The following CHADL variants were observed in gnomAD, a reference collection of about 807,000 sequenced individuals.
CHADL encodes chondroadherin like.
In CHADL, 48 loss-of-function variants were observed where a neutral mutation model predicts 52.1. The ratio of observed to expected loss-of-function variants is 0.92; its 90% CI spans 0.73 to 1.17. The LOEUF (loss-of-function observed/expected upper bound fraction) is 1.17. Ranked by LOEUF, CHADL falls within the 50% of genes most tolerant of loss-of-function variation. The pLI, the probability that CHADL is intolerant of heterozygous loss-of-function variation, is 0.00. For missense variants in CHADL, 977 were observed against 1,035.1 expected (o/e 0.94, Z 0.77); for synonymous variants, 498 against 511.2 (o/e 0.97, Z 0.35).
At chr22:41,230,079 G>GCAC in intron 5 of CHADL, 1 of 532,754 alleles carries the variant, frequency 1.9e-6, no homozygotes, top group South Asian at 3.4e-5. Context: ...CAGCTCCTCC[G>GCAC]CCCCCACCCC....
intron 5 of CHADL, among the ~76,000 whole-genome samples, chr22:41,233,513 A>G (rs1329784635): frequency 6.6e-6 from 1 of 152,122 alleles, no homozygotes; most frequent in Non-Finnish European, 1.5e-5. Flanking sequence ...TATAGAGGGA[A>G]GATGATGATA....
At chr22:41,237,125 G>A in intron 3 of CHADL, 51 bp downstream of exon 3, 9 of 1,477,962 alleles carry the variant, frequency 6.1e-6, no homozygotes, top group Non-Finnish European at 8.2e-6. Context: ...CACGCTGCCT[G>A]TGGCCTTGTG....
chr22:41,232,919 G>A (rs1307260725), intron 5 of CHADL, among the ~76,000 whole-genome samples: 3 of 152,062 alleles, frequency 2.0e-5, no homozygotes, highest in Admixed American at 1.3e-4. Flanking sequence ...CGATAGTTCC[G>A]GGTCTGGCTT....
At chr22:41,235,448 C>T (rs1407135211) in intron 4 of CHADL, 105 bp from the exon 5 acceptor site, 1 of 846,970 alleles carries the variant, frequency 1.2e-6, no homozygotes, top group Non-Finnish European at 1.9e-6. Flanking sequence ...GAAGGCAGCA[C>T]AAGGCCACAG....
chr22:41,238,385 G>A lies in CHADL; in HGVS notation c.687C>T (p.Ala229=), dbSNP rs113161044. 11 of 1,498,922 alleles carry A rather than the reference G, an allele frequency of 7.3e-6. No individual in the cohort carries two copies. The highest frequency in any genetic ancestry group is 8.0e-6 in the Non-Finnish European group (9 of 1,129,120). The allele number at this position is 1,498,922 out of a possible 1,614,324, so 92.9% of individuals were successfully genotyped here. The change falls in exon 3 of 6, where the codon GCC becomes GCT. Residue 229 remains alanine (A), a synonymous_variant. Transcript: ENST00000216241. This position sits in a 1 kb window ranked among gnomAD's most constrained non-coding sequence, Gnocchi z 4.9. ...CCAGCTCCAGACGGGCCAGGCCGCG[G>A]GCCTGGGACAAGACAGGCCCGGGCA... ...QALPGPVLSQ[A]RGLARLELGH... is the part of the protein sequence containing the mutation.
rs943947963 is a variant in CHADL at position 41,236,615 on chromosome 22, C to T, written c.1932G>A (p.Gly644=). The T allele has an allele frequency of 1.9e-6, 3 of 1,550,214 alleles. No individual in the cohort carries two copies. Among genetic ancestry groups the T allele is most frequent in the Non-Finnish European group, 2.6e-6 (3 of 1,146,912 alleles). The change falls in exon 4 of 6, where the codon GGG becomes GGA. Residue 644 remains glycine, a synonymous_variant. Transcript: ENST00000216241. ...CPGAFSGLGP[G]LQSLHLQKNQ... ...TCTTCTGCAGGTGCAGGCTCTGGAG[C>T]CCGGGCCCCAGGCCTGAAAAGGCCC... is the stretch of plus-strand genomic sequence containing the variant.
At chr22:41,236,924 GACT>G (rs1569158964) in intron 3 of CHADL, among the ~76,000 whole-genome samples, 1 of 152,176 alleles carries the variant, frequency 6.6e-6, no homozygotes. Flanking sequence ...AACAGTAGAT[GACT>G]GCATGGTCCC....
intron 5 of CHADL, chr22:41,230,267 G>A (rs1214209269): frequency 1.2e-6 from 2 of 1,600,628 alleles, no homozygotes; most frequent in South Asian, 2.2e-5. Context: ...CCTGCCTCCA[G>A]CCTGGCTTCT....
At chr22:41,229,983 G>T (rs1240293153) in intron 5 of CHADL, among the ~76,000 whole-genome samples, 1 of 152,150 alleles carries the variant, frequency 6.6e-6, no homozygotes, top group Non-Finnish European at 1.5e-5. Flanking sequence ...TTGGCCCTTT[G>T]CTGCTGCCAC....
intron 5 of CHADL, chr22:41,230,093 C>CCCAGGG: frequency 1.0e-6 from 1 of 965,774 alleles, no homozygotes; most frequent in South Asian, 1.5e-5. Flanking sequence ...CCACCCCTCC[C>CCCAGGG]AGAGTTATTT....
chr22:41,237,241 C>T lies in CHADL; in HGVS notation c.1831G>A (p.Gly611Arg), dbSNP rs772146480. The T allele has an allele frequency of 1.6e-5, 25 of 1,550,336 alleles. No homozygotes were observed. The Middle Eastern group carries it at 5.1e-4, about 32-fold the overall frequency. Residue 611 changes from glycine (G) to arginine (R), a missense_variant, in exon 3 of 6, where the codon GGA (glycine) becomes AGA (arginine). Gly to Arg is a moderately radical substitution (Grantham distance 125). Transcript: ENST00000216241. ...GACCTGCCCACAGGCTGGAAGGCTC[C>T]GTCACGCAAGGCCCTGAGTGGGTTG... ...SGNPLRALRD[G>R]AFQPVGRSLQ... is the part of the protein sequence containing the mutation.
rs2032763783 is a variant in CHADL, at chr22:41,237,386, A to C, written c.1686T>G (p.Leu562=). The C allele has an allele frequency of 6.4e-7, 1 of 1,550,596 alleles. No individual in the cohort carries two copies. The highest frequency in any genetic ancestry group is 1.4e-5 in the African/African-American group (1 of 73,158). ...GCTCCCGAGCTGGGCCCAGCGCCCC[A>C]AGGGACACTTCGGTGATGCGGTTTC... ...LSGNRITEVS[L]GALGPARELE... is the part of the protein sequence containing the mutation. Residue 562 remains leucine, a synonymous_variant, in exon 3 of 6, where the codon CTT becomes CTG. Transcript: ENST00000216241.
Position 41,238,879 on chromosome 22 carries a change from G to T in CHADL, c.193C>A (p.Gln65Lys). 1.3e-6 allele frequency: 2 copies of T among 1,533,974 alleles called. No individual in the cohort carries two copies. Among genetic ancestry groups the T allele is most frequent in the Non-Finnish European group, 1.8e-6 (2 of 1,134,824 alleles). ...AAATTGCCCTGCAGGTCCAGCCGCT[G>T]GGTCAGCTGGGGACAGCGAGGAGAA... ...EVPDAIPELT[Q>K]RLDLQGNLLK... is the part of the protein sequence containing the mutation. The change falls in exon 3 of 6, where the codon CAG becomes AAG. Residue 65 changes from glutamine to lysine, a missense_variant. By Grantham distance (53) the Gln-to-Lys change is moderately conservative (BLOSUM62 1). Coordinates refer to ENST00000216241, the MANE Select transcript of CHADL (RefSeq NM_138481.2). The surrounding 1 kb of genome is among the most constrained non-coding windows in gnomAD (Gnocchi z 4.9).
Position 41,238,879 on chromosome 22 carries a change from G to C in CHADL, c.193C>G (p.Gln65Glu). The C allele has an allele frequency of 6.5e-7, 1 of 1,533,974 alleles. No homozygotes were observed. Among genetic ancestry groups the C allele is most frequent in the Non-Finnish European group, 8.8e-7 (1 of 1,134,824 alleles). ...EVPDAIPELT[Q>E]RLDLQGNLLK... is the part of the protein sequence containing the mutation. ...AAATTGCCCTGCAGGTCCAGCCGCT[G>C]GGTCAGCTGGGGACAGCGAGGAGAA... is the stretch of plus-strand genomic sequence containing the variant. Residue 65 changes from glutamine to glutamate, a missense_variant, in exon 3 of 6, where the codon CAG (glutamine) becomes GAG (glutamate). By Grantham distance (29) the Gln-to-Glu change is conservative. Transcript: ENST00000216241. The surrounding 1 kb of genome is among the most constrained non-coding windows in gnomAD (Gnocchi z 4.9).
intron 5 of CHADL, among the ~76,000 whole-genome samples, chr22:41,234,593 G>T (rs545652941): frequency 6.9e-6 from 1 of 144,692 alleles, no homozygotes; most frequent in Non-Finnish European, 1.5e-5. Context: ...TTGCTCTGTC[G>T]CCCAGGCTGG....
chr22:41,239,702 C>T (rs1223533375), intron 1 of CHADL, 82 bp from the exon 2 acceptor site: 28 of 1,288,752 alleles, frequency 2.2e-5, no homozygotes, highest in Non-Finnish European at 2.5e-5. Context: ...CATGGTGCAG[C>T]TCCTGCCCCA....
In CHADL at chr22:41,238,079, G is replaced by A; in HGVS notation, c.993C>T (p.Arg331=). 7.8e-7 allele frequency: 1 copy of A among 1,285,556 alleles called. No homozygotes were observed. Among genetic ancestry groups the A allele is most frequent in the Non-Finnish European group, 9.8e-7 (1 of 1,025,484 alleles). The allele number at this position is 1,285,556 out of a possible 1,614,324, so 79.6% of individuals were successfully genotyped here. ...GCGGCCCCTGGCACGCGCCGTCCGA[G>A]CGCACGCGCGCCCGCGCCAGCCACT... ...LLEWLARARV[R]SDGACQGPRR... Residue 331 remains arginine (R), a synonymous_variant, in exon 3 of 6, where the codon CGC becomes CGT. Coordinates refer to ENST00000216241, the MANE Select transcript of CHADL (RefSeq NM_138481.2). This position sits in a 1 kb window ranked among gnomAD's most constrained non-coding sequence, Gnocchi z 4.9.
Position 41,238,535 on chromosome 22 carries a change from C to T in CHADL, c.537G>A (p.Gln179=), listed in dbSNP as rs1029946950. 3.9e-6 allele frequency: 6 copies of T among 1,545,186 alleles called. No individual in the cohort carries two copies. The highest frequency in any genetic ancestry group is 2.0e-5 in the Admixed American group (1 of 50,924). Reference sequence around the variant, plus strand: ...GCAGCCAGCGGACGCGCAGTAGCCCCTGGAAGGCCATGGCGGGCAGGTAAA... The same window carrying T: ...GCAGCCAGCGGACGCGCAGTAGCCCTTGGAAGGCCATGGCGGGCAGGTAAA... ...ALVYLPAMAF[Q]GLLRVRWLRL... is the part of the protein sequence containing the mutation. Residue 179 remains glutamine (Q), a synonymous_variant, in exon 3 of 6, where the codon CAG becomes CAA. Transcript: ENST00000216241. This position sits in a 1 kb window ranked among gnomAD's most constrained non-coding sequence, Gnocchi z 4.9.
At chr22:41,233,554 T>C (rs998934205) in intron 5 of CHADL, among the ~76,000 whole-genome samples, 3 of 151,964 alleles carry the variant, frequency 2.0e-5, no homozygotes, top group Admixed American at 6.6e-5. Flanking sequence ...GGGACAGAGA[T>C]GGAGATTATG....
Sources: gnomAD v4.1 joint callset for allele counts (sites outside exome capture counted in the v4.1 genomes callset) on GRCh38, gnomAD v4.1.1 for gene constraint, Gnocchi (gnomAD v3.1) non-coding constraint, MANE v1.5 for transcripts, NCBI Gene and HGNC (gene_info 2026-07-23, HGNC 2026-07-21) for gene names.